SLC67A1: variants seen among roughly 807,000 people sequenced by gnomAD.
SLC67A1 encodes the protein solute carrier family 67 member 1.
At chr11:2,922,502 C>T in the SLC67A1 span, 1 of 1,613,060 alleles carries the variant, frequency 6.2e-7, no homozygotes, top group Non-Finnish European at 8.5e-7. Flanking sequence ...CCTCTGCACC[C>T]TCAACGTGGT....
chr11:2,921,919 G>A, the SLC67A1 span: 33 of 632,166 alleles, frequency 5.2e-5, no homozygotes, highest in Non-Finnish European at 4.3e-5. Context: ...TCCTGACGCA[G>A]TCACTGCTGG....
the SLC67A1 span, among the ~76,000 whole-genome samples, chr11:2,917,799 G>C: frequency 6.6e-6 from 1 of 152,238 alleles, no homozygotes; most frequent in Non-Finnish European, 1.5e-5. Flanking sequence ...GCTGAGGGGC[G>C]GTGCCCAACC....
chr11:2,912,449 T>A, the SLC67A1 span, among the ~76,000 whole-genome samples: 1 of 152,246 alleles, frequency 6.6e-6, no homozygotes, highest in Non-Finnish European at 1.5e-5. Context: ...GCTGTGAACA[T>A]CCCCCGCCTT....
the SLC67A1 span, chr11:2,922,411 G>T: frequency 4.4e-6 from 7 of 1,605,024 alleles, no homozygotes; most frequent in South Asian, 7.8e-5. Context: ...CCCCCACTCA[G>T]CTCGGCCCCC....
chr11:2,915,294 T>C, the SLC67A1 span: 142 of 934,728 alleles, frequency 1.5e-4, no homozygotes, highest in East Asian at 7.2e-4. Flanking sequence ...TGTGTGTGTG[T>C]GTGCGCATGT....
chr11:2,924,887 G>T, the SLC67A1 span: 14 of 808,810 alleles, frequency 1.7e-5, no homozygotes, highest in Admixed American at 2.6e-5. The surrounding 1 kb of genome is among the most constrained non-coding windows in gnomAD (Gnocchi z 8.6). Flanking sequence ...ACTATGCAAG[G>T]TGCGGACTGC....
the SLC67A1 span, chr11:2,924,900 C>A: frequency 1.0e-6 from 1 of 961,150 alleles, no homozygotes; most frequent in Non-Finnish European, 1.6e-6. This position sits in a 1 kb window ranked among gnomAD's most constrained non-coding sequence, Gnocchi z 8.6. Context: ...CGGACTGCGC[C>A]GTGAGGTCAG....
the SLC67A1 span, among the ~76,000 whole-genome samples, chr11:2,906,557 A>G: frequency 6.6e-6 from 1 of 152,328 alleles, no homozygotes; most frequent in South Asian, 2.1e-4. Flanking sequence ...GGATGAGTTC[A>G]TGTCCTTTGT....
chr11:2,909,699 C>T, the SLC67A1 span: 2 of 1,538,442 alleles, frequency 1.3e-6, no homozygotes, highest in Non-Finnish European at 1.7e-6. Context: ...GGACCCTGGT[C>T]TCCGCGTACG....
At chr11:2,903,975 C>T in the SLC67A1 span, among the ~76,000 whole-genome samples, 1 of 152,230 alleles carries the variant, frequency 6.6e-6, no homozygotes, top group African/African-American at 2.4e-5. Flanking sequence ...TGATCTCAAG[C>T]TTTTTCTTGC....
At chr11:2,901,372 T>A in the SLC67A1 span, among the ~76,000 whole-genome samples, 78,209 of 152,184 alleles carry the variant, frequency 0.51, 21,922 homozygotes, top group South Asian at 0.66. Flanking sequence ...CGTCCCACCC[T>A]GTCTCACCCC....
the SLC67A1 span, among the ~76,000 whole-genome samples, chr11:2,901,216 C>A: frequency 1.3e-5 from 2 of 152,242 alleles, no homozygotes; most frequent in East Asian, 1.9e-4. Flanking sequence ...TGATGCCCAA[C>A]ATATCTGAGC....
chr11:2,909,289 G>A, the SLC67A1 span: 1 of 1,534,284 alleles, frequency 6.5e-7, no homozygotes, highest in Non-Finnish European at 8.7e-7. Flanking sequence ...CCTCCAGCCC[G>A]GCCCTGCCCG....
chr11:2,917,566 C>T, the SLC67A1 span, among the ~76,000 whole-genome samples: 1 of 152,228 alleles, frequency 6.6e-6, no homozygotes, highest in Non-Finnish European at 1.5e-5. Flanking sequence ...GAGAGTGGTA[C>T]AGTATTGCCA....
chr11:2,900,460 AG>A, the SLC67A1 span, among the ~76,000 whole-genome samples: 4,935 of 151,848 alleles, frequency 0.032, 255 homozygotes, highest in African/African-American at 0.11. Context: ...TGGGAGGCCG[AG>A]GGGGGGCGGA....
the SLC67A1 span, chr11:2,919,499 TG>T: frequency 1.1e-6 from 1 of 933,048 alleles, no homozygotes. Flanking sequence ...CGGCGGAGGC[TG>T]GGGAGCCCTT....
the SLC67A1 span, chr11:2,922,361 G>A: frequency 1.9e-6 from 3 of 1,573,460 alleles, no homozygotes; most frequent in Non-Finnish European, 2.6e-6. Context: ...GGGTGGGGAG[G>A]GACAGGTAAG....
the SLC67A1 span, chr11:2,919,765 G>T: frequency 3.7e-6 from 1 of 266,858 alleles, no homozygotes; most frequent in South Asian, 6.1e-5. Context: ...ATGACCTAAC[G>T]TGGCAAAGTG....
chr11:2,922,873 G>A, the SLC67A1 span, among the ~76,000 whole-genome samples: 1 of 152,184 alleles, frequency 6.6e-6, no homozygotes, highest in East Asian at 1.9e-4. Flanking sequence ...TGCCTGCCAG[G>A]CCTGGAGGCC....
Sources: gnomAD v4.1 joint callset for allele counts (sites outside exome capture counted in the v4.1 genomes callset) on GRCh38, gnomAD v4.1.1 for gene constraint, Gnocchi (gnomAD v3.1) non-coding constraint, MANE v1.5 for transcripts, NCBI Gene and HGNC (gene_info 2026-07-23, HGNC 2026-07-21) for gene names.